Variants in NBPF10 observed in about 807,000 individuals in gnomAD.
NBPF10 encodes the protein NBPF family member NBPF10.
In NBPF10, 63 loss-of-function variants were observed where a neutral mutation model predicts 77.9. That is an observed-to-expected ratio of 0.81 (90% CI 0.66 to 1.00). The LOEUF (loss-of-function observed/expected upper bound fraction) is 1.00. Among genes scored for constraint, NBPF10 ranks in the 50% least tolerant of loss-of-function variants. NBPF10 has a pLI of 0.00. For missense variants in NBPF10, 522 were observed against 679.8 expected (o/e 0.77, Z 2.58); for synonymous variants, 146 against 264.5 (o/e 0.55, Z 4.35).
chr1:146,139,263 C>T (rs1231473604), intron 5 of NBPF10, among the ~76,000 whole-genome samples: 3 of 138,794 alleles, frequency 2.2e-5, no homozygotes, highest in Non-Finnish European at 3.2e-5. Flanking sequence ...CCACGCCCAG[C>T]TATTTTTTTT....
intron 88 of NBPF10, among the ~76,000 whole-genome samples, 177 bp downstream of exon 88, chr1:146,067,826 C>T (rs1553778328): frequency 6.6e-6 from 1 of 151,944 alleles, no homozygotes; most frequent in Non-Finnish European, 1.5e-5. Flanking sequence ...CTCACTGAAC[C>T]ATTTCATGTC....
chr1:146,080,999 A>G (rs1318947954), intron 71 of NBPF10, among the ~76,000 whole-genome samples: 22 of 80,556 alleles, frequency 2.7e-4, no homozygotes, highest in African/African-American at 4.9e-4. Flanking sequence ...ACACACACAC[A>G]CACACACACA....
intron 87 of NBPF10, among the ~76,000 whole-genome samples, chr1:146,068,483 G>C (rs1655429461): frequency 4.2e-5 from 1 of 23,854 alleles, no homozygotes; most frequent in Non-Finnish European, 9.7e-5. Flanking sequence ...ACAGCGAACA[G>C]TGATCATGAA....
intron 5 of NBPF10, among the ~76,000 whole-genome samples, chr1:146,138,936 T>C (rs1264831151): frequency 7.4e-4 from 95 of 127,688 alleles, no homozygotes; most frequent in Admixed American, 1.3e-3. Flanking sequence ...AAGCGCCAAG[T>C]AACATGCCAG....
chr1:146,066,325 G>A (rs1553777254), exon 90 of NBPF10: 9 of 868,010 alleles, frequency 1.0e-5, no homozygotes, highest in East Asian at 2.6e-5. Context: ...TGCTTATTGT[G>A]GGAATATGAC....
chr1:146,126,534 A>T (rs1346018279), intron 13 of NBPF10, 126 bp from the exon 14 acceptor site: 6 of 712,968 alleles, frequency 8.4e-6, no homozygotes, highest in Non-Finnish European at 1.6e-5. Flanking sequence ...TTAATGAGGT[A>T]ACAAATTATT....
At chr1:146,122,027 A>C (rs201594802) in intron 19 of NBPF10, among the ~76,000 whole-genome samples, 10 of 92,612 alleles carry the variant, frequency 1.1e-4, no homozygotes, top group South Asian at 6.1e-4. Flanking sequence ...TTTCCATAAA[A>C]TATGCTCAAA....
chr1:146,068,095 C>T, exon 88 of NBPF10: 1 of 524,190 alleles, frequency 1.9e-6, no homozygotes, highest in Non-Finnish European at 3.3e-6. Context: ...TTCAAGATAA[C>T]CTGAAGGAGT....
rs1656248852 is a variant in NBPF10 at position 146,080,992 on chromosome 1, C to CAG, written c.8892-216_8892-215insCT. On this transcript the variant is annotated intron_variant, in intron 71 of 89. Transcript: ENST00000583866. ...ACAGATAGACACACACACACACACA[C>CAG]ACACACACACACACACACACACACA... 2.5e-5 allele frequency among the ~76,000 whole-genome samples: 2 copies of CAG among 80,080 alleles called. 1 individual carries two copies. Among genetic ancestry groups the CAG allele is most frequent in the African/African-American group, 6.6e-5 (2 of 30,298 alleles). 52.5% of individuals were successfully genotyped at this position (80,080 alleles called of 152,430 possible).
At chr1:146,066,652 G>C (rs1655089841) in intron 89 of NBPF10, 91 bp from the exon 90 acceptor site, 2 of 501,456 alleles carry the variant, frequency 4.0e-6, no homozygotes, top group Admixed American at 3.8e-5. Context: ...TAAGGAAGTG[G>C]TTAGAAAAGA....
intron 2 of NBPF10, among the ~76,000 whole-genome samples, chr1:146,142,405 T>C (rs1553797733): frequency 4.5e-5 from 6 of 134,632 alleles, no homozygotes. Context: ...GAATTTTGTG[T>C]TATGTAAATT....
At chr1:146,142,245 G>T (rs199762128) in intron 2 of NBPF10, among the ~76,000 whole-genome samples, 1 of 110,480 alleles carries the variant, frequency 9.1e-6, no homozygotes, top group Non-Finnish European at 2.0e-5. Flanking sequence ...AAGAAAAGAA[G>T]GACAGGGTCG....
At chr1:146,072,992 T>C (rs1553780057) in intron 81 of NBPF10, 91 bp from the exon 82 acceptor site, 1 of 128,830 alleles carries the variant, frequency 7.8e-6, no homozygotes, top group Non-Finnish European at 1.4e-5. Flanking sequence ...TAAGGAACTG[T>C]TTAAAAAGAA....
At chr1:146,067,055 G>A (rs113990011) in intron 89 of NBPF10, 125 bp downstream of exon 89, 20 of 548,204 alleles carry the variant, frequency 3.6e-5, no homozygotes, top group African/African-American at 3.2e-4. Flanking sequence ...AAAACCAACA[G>A]CAATGACAGT....
intron 7 of NBPF10, 126 bp downstream of exon 7, chr1:146,136,227 G>C (rs4068076): frequency 1.2e-6 from 1 of 825,072 alleles, no homozygotes; most frequent in Non-Finnish European, 2.0e-6. Context: ...TGTGTGTAGC[G>C]AGCCTGCCAT....
intron 4 of NBPF10, 85 bp from the exon 5 acceptor site, chr1:146,140,105 C>A (rs12068486): frequency 6.8e-7 from 1 of 1,472,594 alleles, no homozygotes; most frequent in Non-Finnish European, 9.5e-7. Flanking sequence ...TTTTGACAGG[C>A]GGCATTAAGA....
intron 86 of NBPF10, among the ~76,000 whole-genome samples, chr1:146,069,286 GC>G (rs1655542154): frequency 1.1e-5 from 1 of 89,928 alleles, no homozygotes; most frequent in Non-Finnish European, 2.3e-5. Flanking sequence ...TGTCACATCT[GC>G]CCAGATCCAA....
At position 146,141,830 on chromosome 1, in the gene NBPF10, C is replaced by A. The variant is rs587604047; in HGVS notation, c.279-12G>T. 1 of 1,319,838 alleles carries A rather than the reference C, an allele frequency of 7.6e-7. No homozygotes were observed. The highest frequency in any genetic ancestry group is 1.1e-6 in the Non-Finnish European group (1 of 948,190). 81.8% of individuals were successfully genotyped at this position (1,319,838 alleles called of 1,614,324 possible). On this transcript the variant is annotated splice_polypyrimidine_tract_variant and intron_variant, in intron 2 of 89. Coordinates refer to ENST00000583866, the Ensembl canonical transcript of NBPF10. ...GGACTTTATATTGCCTAAGGTGAGACGGTAGAGAAAATTTAAGAGTAGAAA... is the reference window on the plus strand; with the variant it reads ...GGACTTTATATTGCCTAAGGTGAGAAGGTAGAGAAAATTTAAGAGTAGAAA...
intron 3 of NBPF10, among the ~76,000 whole-genome samples, 189 bp from the exon 4 acceptor site, chr1:146,140,745 G>C (rs587733002): frequency 1.3e-4 from 15 of 119,010 alleles, no homozygotes; most frequent in African/African-American, 4.0e-4. Flanking sequence ...TTCTGATGTG[G>C]AGGGCCACCA....
Sources: allele counts gnomAD v4.1 joint callset (sites outside exome capture counted in the v4.1 genomes callset), GRCh38; gene constraint gnomAD v4.1.1; transcripts MANE v1.5; gene names NCBI Gene and HGNC (gene_info 2026-07-23, HGNC 2026-07-21).